MFAP5: variants seen among roughly 807,000 people sequenced by gnomAD.
MFAP5 encodes the protein microfibrillar-associated protein 5.
A neutral mutation model predicts 30.1 loss-of-function variants in MFAP5; 19 were observed. That is an observed-to-expected ratio of 0.63 (90% CI 0.44 to 0.93). The LOEUF (loss-of-function observed/expected upper bound fraction) is 0.93, where lower values mean the gene tolerates loss of function less well. Ranked by LOEUF, MFAP5 falls within the 40% of genes least tolerant of loss-of-function variation. MFAP5 has a pLI of 0.00. For missense variants in MFAP5, 210 were observed against 221.3 expected, an observed-to-expected ratio of 0.95 and a Z score of 0.32; for synonymous variants, 92 against 72.9, an observed-to-expected ratio of 1.26 and a Z score of -1.33.
rs1247536701 is a variant in MFAP5 at position 8,647,515 on chromosome 12, CTG to C, written c.*574_*575del. On this transcript the variant is annotated 3_prime_UTR_variant, in exon 10 of 10. Coordinates refer to ENST00000359478, the MANE Select transcript of MFAP5 (RefSeq NM_003480.4). ...GCTAGTAGGATTGTATAATTCTTGA[CTG>C]TGTTGCAGAATCTTACAGGACTACA... 2 of 152,176 alleles carry C rather than the reference CTG, an allele frequency of 1.3e-5. No individual in the cohort carries two copies. The highest frequency in any genetic ancestry group is 4.8e-5 in the African/African-American group (2 of 41,434). The allele number at this position is 152,176 out of a possible 1,614,324, so 9.4% of individuals were successfully genotyped here.
intron 7 of MFAP5, 104 bp from the exon 8 acceptor site, chr12:8,650,693 G>A (rs1941814107): frequency 1.1e-6 from 1 of 926,944 alleles, no homozygotes; most frequent in African/African-American, 1.7e-5. Flanking sequence ...AAAAAATACA[G>A]AGTAATCTCT....
intron 3 of MFAP5, 78 bp from the exon 4 acceptor site, chr12:8,655,908 C>T: frequency 7.7e-7 from 1 of 1,306,014 alleles, no homozygotes; most frequent in Non-Finnish European, 1.1e-6. Context: ...AGTTAAATTG[C>T]GAAGCATAGT....
At chr12:8,648,334 C>T in intron 9 of MFAP5, 131 bp from the exon 10 acceptor site, 3 of 912,742 alleles carry the variant, frequency 3.3e-6, no homozygotes, top group Non-Finnish European at 4.9e-6. Flanking sequence ...GGGTTTTAAC[C>T]AGCTCTGCCA....
In MFAP5 at chr12:8,650,579, A is replaced by G. The variant is rs749178519; in HGVS notation, c.258T>C (p.Asp86=). The G allele has an allele frequency of 2.3e-5, 37 of 1,613,466 alleles. No individual in the cohort carries two copies. The highest frequency in any genetic ancestry group is 3.1e-5 in the Non-Finnish European group (36 of 1,179,828). ...SEKNTTAECW[D]EKFTCTRLYS... Reference sequence around the variant, plus strand: ...AGAGCCTTGTGCAGGTAAATTTCTCATCCCAGCACTCTGAGGAAGCCCAAT... The same window carrying G: ...AGAGCCTTGTGCAGGTAAATTTCTCGTCCCAGCACTCTGAGGAAGCCCAAT... The change falls in exon 8 of 10, where the codon GAT becomes GAC. Residue 86 remains aspartate, a synonymous_variant. Transcript: ENST00000359478.
At chr12:8,661,596 C>T (rs1942153630) in intron 2 of MFAP5, among the ~76,000 whole-genome samples, 1 of 150,930 alleles carries the variant, frequency 6.6e-6, no homozygotes, top group Non-Finnish European at 1.5e-5. Flanking sequence ...CACTATGTTG[C>T]CCAGGTTGGT....
At chr12:8,655,225 G>A (rs1376879758) in intron 5 of MFAP5, among the ~76,000 whole-genome samples, 190 bp downstream of exon 5, 1 of 152,104 alleles carries the variant, frequency 6.6e-6, no homozygotes, top group Non-Finnish European at 1.5e-5. Context: ...AGTAGGGGTT[G>A]CCATGAACCA....
In MFAP5 at chr12:8,654,564, A is replaced by T; in HGVS notation, c.173-83T>A. The T allele has an allele frequency of 2.3e-6, 3 of 1,300,958 alleles. No individual in the cohort carries two copies. The South Asian group carries it at 3.8e-5, about 17-fold the overall frequency. The allele number at this position is 1,300,958 out of a possible 1,614,324, so 80.6% of individuals were successfully genotyped here. A position where few individuals can be genotyped will look rare whatever the true frequency, so the allele number is the denominator to read the frequency against. On this transcript the variant is annotated intron_variant, in intron 5 of 9. Transcript: ENST00000359478. Reference sequence around the variant, plus strand: ...GAGTAAGAAAAGGGAGAATGGAGATACCGTGGCAGGTGGAAGACTATGTCT... The same window carrying T: ...GAGTAAGAAAAGGGAGAATGGAGATTCCGTGGCAGGTGGAAGACTATGTCT...
chr12:8,652,670 C>A (rs1292213956), intron 6 of MFAP5, among the ~76,000 whole-genome samples: 2 of 152,114 alleles, frequency 1.3e-5, no homozygotes, highest in African/African-American at 4.8e-5. Flanking sequence ...GGTTTCTAGG[C>A]AGGTGTATAT....
Position 8,655,844 on chromosome 12 carries a change from T to G in MFAP5, c.95-14A>C. ...GAGTCACATCGTCTGAAAAGAAAAT[T>G]AGAAAACAATTTCTGAGATTCTCTG... On this transcript the variant is annotated splice_polypyrimidine_tract_variant and intron_variant, in intron 3 of 9. Transcript: ENST00000359478. 2 of 1,607,542 alleles carry G rather than the reference T, an allele frequency of 1.2e-6. No homozygotes were observed. Among genetic ancestry groups the G allele is most frequent in the South Asian group, 2.2e-5 (2 of 90,990 alleles).
rs1012201159 is a variant in MFAP5 at position 8,646,808 on chromosome 12, T to G, written c.*1283A>C. 3 of 152,106 alleles carry G rather than the reference T, an allele frequency of 2.0e-5. No individual in the cohort carries two copies. The highest frequency in any genetic ancestry group is 4.4e-5 in the Non-Finnish European group (3 of 68,022). The allele number at this position is 152,106 out of a possible 1,614,324, so 9.4% of individuals were successfully genotyped here. ...TGCCACCACGCCCAGCTAATTTTTG[T>G]ATTTTTAGTAGAGATGGGGTTTCAC... On this transcript the variant is annotated 3_prime_UTR_variant, in exon 10 of 10. Transcript: ENST00000359478.
In MFAP5 at chr12:8,647,415, T is replaced by G. The variant is rs1372145325; in HGVS notation, c.*676A>C. ...GATAGCGAATTATGAGTCCAAGTTC[T>G]ATAGCTGGCATAGTCCTCATGCTTT... On this transcript the variant is annotated 3_prime_UTR_variant, in exon 10 of 10. Coordinates refer to ENST00000359478, the MANE Select transcript of MFAP5 (RefSeq NM_003480.4). 1 of 152,242 alleles carries G rather than the reference T, an allele frequency of 6.6e-6. No homozygotes were observed. Among genetic ancestry groups the G allele is most frequent in the Non-Finnish European group, 1.5e-5 (1 of 68,050 alleles). The allele number at this position is 152,242 out of a possible 1,614,324, so 9.4% of individuals were successfully genotyped here. A position where few individuals can be genotyped will look rare whatever the true frequency, so the allele number is the denominator to read the frequency against.
chr12:8,653,411 G>A (rs1479994654), intron 6 of MFAP5, among the ~76,000 whole-genome samples: 1 of 152,050 alleles, frequency 6.6e-6, no homozygotes, highest in Non-Finnish European at 1.5e-5. Flanking sequence ...GTACAGTAGG[G>A]GGTTTGGAAG....
intron 3 of MFAP5, among the ~76,000 whole-genome samples, chr12:8,656,416 ATT>A (rs35361217): frequency 6.5e-5 from 6 of 91,868 alleles, no homozygotes; most frequent in Non-Finnish European, 9.5e-5. Context: ...GGTAGTATTG[ATT>A]TTTTTTTTTT....
intron 7 of MFAP5, 64 bp downstream of exon 7, chr12:8,651,598 A>G: frequency 6.7e-7 from 1 of 1,493,494 alleles, no homozygotes; most frequent in Non-Finnish European, 9.3e-7. Context: ...TCCAAAGAAC[A>G]AGGAGGTAAG....
rs375196983 is a variant in MFAP5, at chr12:8,648,632, G to A, written c.410-429C>T. 36 of 814,156 alleles carry A rather than the reference G, an allele frequency of 4.4e-5. No homozygotes were observed. The East Asian group carries it at 5.3e-4, about 12-fold the overall frequency. 50.4% of individuals were successfully genotyped at this position (814,156 alleles called of 1,614,324 possible). On this transcript the variant is annotated intron_variant, in intron 9 of 9. Coordinates refer to ENST00000359478, the MANE Select transcript of MFAP5 (RefSeq NM_003480.4). ...ACTATGGGCAAACAGCTAACTTTAGGAAGTCCCTTGAGATACTTGAAAGTG... is the reference window on the plus strand; with the variant it reads ...ACTATGGGCAAACAGCTAACTTTAGAAAGTCCCTTGAGATACTTGAAAGTG...
At chr12:8,656,873 G>A (rs1339361510) in intron 3 of MFAP5, among the ~76,000 whole-genome samples, 1 of 151,756 alleles carries the variant, frequency 6.6e-6, no homozygotes, top group Non-Finnish European at 1.5e-5. Context: ...TCACCATATT[G>A]GCCAGGCTGG....
At chr12:8,652,916 G>A (rs1323165869) in intron 6 of MFAP5, among the ~76,000 whole-genome samples, 5 of 152,076 alleles carry the variant, frequency 3.3e-5, no homozygotes, top group Admixed American at 6.5e-5. Context: ...ATGGCTGGGC[G>A]TGGTGGCTCA....
chr12:8,660,086 T>C (rs2136481720), intron 3 of MFAP5, among the ~76,000 whole-genome samples: 1 of 152,270 alleles, frequency 6.6e-6, no homozygotes, highest in South Asian at 2.1e-4. Flanking sequence ...GAGAATGGTG[T>C]GAGCAAAAAT....
chr12:8,659,827 G>A (rs752168958), intron 3 of MFAP5, among the ~76,000 whole-genome samples: 7 of 152,046 alleles, frequency 4.6e-5, no homozygotes, highest in Admixed American at 2.6e-4. Context: ...AATGCATCCC[G>A]GTATATTTGT....
Sources: allele counts gnomAD v4.1 joint callset (sites outside exome capture counted in the v4.1 genomes callset), GRCh38; gene constraint gnomAD v4.1.1; transcripts MANE v1.5; gene names NCBI Gene and HGNC (gene_info 2026-07-23, HGNC 2026-07-21).